CDH13: variants seen among roughly 807,000 people sequenced by gnomAD.
The protein encoded by CDH13 is cadherin-13.
CDH13 carries 24 observed loss-of-function variants against 63.8 expected under a neutral mutation model. That is an observed-to-expected ratio of 0.38 (90% confidence interval 0.27 to 0.53). The LOEUF (loss-of-function observed/expected upper bound fraction) is 0.53. Ranked by LOEUF, CDH13 falls within the 20% of genes least tolerant of loss-of-function variation. CDH13 has a pLI of 0.85. For missense variants in CDH13, 1,049 were observed against 903.1 expected (o/e 1.16, Z -2.07); for synonymous variants, 503 against 355.3 (o/e 1.42, Z -4.67).
intron 1 of CDH13, among the ~76,000 whole-genome samples, chr16:82,694,645 A>T (rs950391538): frequency 1.3e-5 from 2 of 152,198 alleles, no homozygotes; most frequent in Admixed American, 6.5e-5. Flanking sequence ...GCCATGCTTC[A>T]TGTTACCAAA....
intron 6 of CDH13, among the ~76,000 whole-genome samples, chr16:83,473,923 G>A (rs1261923977): frequency 2.6e-5 from 4 of 152,150 alleles, no homozygotes; most frequent in African/African-American, 7.2e-5. Context: ...ATGATTAAAT[G>A]CTTGCAATGC....
chr16:83,296,269 A>G (rs990205841), intron 5 of CDH13, among the ~76,000 whole-genome samples: 1 of 152,204 alleles, frequency 6.6e-6, no homozygotes, highest in Non-Finnish European at 1.5e-5. Flanking sequence ...TTTAAATTAT[A>G]CTTTCATTTT....
intron 11 of CDH13, among the ~76,000 whole-genome samples, chr16:83,769,953 T>G (rs1325636488): frequency 6.6e-6 from 1 of 152,180 alleles, no homozygotes; most frequent in Non-Finnish European, 1.5e-5. Flanking sequence ...TTACGGTACA[T>G]GACCTACTGC....
chr16:82,987,543 A>C (rs1272952940), intron 2 of CDH13, among the ~76,000 whole-genome samples: 7 of 152,008 alleles, frequency 4.6e-5, no homozygotes, highest in Admixed American at 4.6e-4. Flanking sequence ...CGCTCAGCTA[A>C]TTTTTGGATT....
intron 1 of CDH13, among the ~76,000 whole-genome samples, chr16:82,769,845 T>C (rs2035195345): frequency 6.6e-6 from 1 of 152,236 alleles, no homozygotes; most frequent in East Asian, 1.9e-4. Flanking sequence ...TTGGAAACAA[T>C]GGACTTAAAC....
intron 1 of CDH13, among the ~76,000 whole-genome samples, chr16:82,778,039 C>T (rs985911645): frequency 1.3e-5 from 2 of 152,088 alleles, no homozygotes; most frequent in Non-Finnish European, 2.9e-5. Context: ...GCTTTAGAAG[C>T]GAGTCAGTAA....
chr16:83,788,254 A>C (rs552716561), intron 13 of CDH13, among the ~76,000 whole-genome samples: 1 of 152,252 alleles, frequency 6.6e-6, no homozygotes, highest in South Asian at 2.1e-4. Context: ...CGGGACTGGA[A>C]ATGAGTGTTT....
chr16:82,945,950 G>C (rs140568393), intron 2 of CDH13, among the ~76,000 whole-genome samples: 2 of 152,012 alleles, frequency 1.3e-5, no homozygotes. Context: ...ATTCTTCTAC[G>C]ACTCTTTGGA....
chr16:83,044,739 C>G (rs1436772822), intron 3 of CDH13, among the ~76,000 whole-genome samples: 4 of 152,170 alleles, frequency 2.6e-5, no homozygotes, highest in Admixed American at 2.6e-4. Flanking sequence ...AGAGGTGGGT[C>G]TTAGGTCGCG....
intron 11 of CDH13, among the ~76,000 whole-genome samples, chr16:83,750,465 A>G (rs1416642906): frequency 6.6e-6 from 1 of 152,026 alleles, no homozygotes; most frequent in East Asian, 1.9e-4. Flanking sequence ...GTGTCCTCTC[A>G]ATGTTGACGT....
chr16:83,120,486 C>CCT (rs1466086082), intron 3 of CDH13, among the ~76,000 whole-genome samples: 1 of 152,198 alleles, frequency 6.6e-6, no homozygotes, highest in Non-Finnish European at 1.5e-5. Context: ...CACATTTAGA[C>CCT]ATACATTGTC....
In CDH13 at chr16:83,142,879, G is replaced by A. The variant is rs375420952; in HGVS notation, c.483+17378G>A. 1.7e-3 allele frequency among the ~76,000 whole-genome samples: 254 copies of A among 152,300 alleles called. 2 individuals are homozygous for A. Among genetic ancestry groups the A allele is most frequent in the African/African-American group, 5.9e-3 (245 of 41,574 alleles). On this transcript the variant is annotated intron_variant, in intron 4 of 13. Transcript: ENST00000567109. ...GCCCTTTGGGAGGCCGAGGCGGGCA[G>A]ATCACCTGAGGTTGGGAGTTCAAAG...
intron 3 of CDH13, among the ~76,000 whole-genome samples, chr16:83,074,216 C>T (rs72796245): frequency 0.17 from 25,592 of 152,160 alleles, 2,703 homozygotes; most frequent in Non-Finnish European, 0.23. Flanking sequence ...ATTTTAGGTC[C>T]CATCTGTGAG....
intron 1 of CDH13, among the ~76,000 whole-genome samples, chr16:82,842,599 T>C (rs1597773686): frequency 6.6e-6 from 1 of 152,166 alleles, no homozygotes; most frequent in African/African-American, 2.4e-5. Flanking sequence ...CCCAACTTTT[T>C]GGCACTAGGA....
intron 1 of CDH13, among the ~76,000 whole-genome samples, chr16:82,689,517 C>T (rs1244598615): frequency 6.6e-6 from 1 of 152,100 alleles, no homozygotes; most frequent in Non-Finnish European, 1.5e-5. Context: ...TTTGAGGCCA[C>T]CTTGCCTGAA....
chr16:83,135,425 A>G (rs2036238565), intron 4 of CDH13, among the ~76,000 whole-genome samples: 1 of 152,176 alleles, frequency 6.6e-6, no homozygotes, highest in Non-Finnish European at 1.5e-5. Context: ...TCAGAAATCA[A>G]TATTATGTCC....
chr16:82,836,681 G>C lies in CDH13; in HGVS notation c.46-21681G>C, dbSNP rs1048250498. Among the ~76,000 whole-genome samples, 6 of 152,136 alleles carry C rather than the reference G, an allele frequency of 3.9e-5. No homozygotes were observed. In the South Asian group the frequency reaches 1.2e-3, roughly 31 times the overall value. The stretch of plus-strand genomic sequence containing the variant: ...TCAAACAGCAGACATCACAGCCCAC[G>C]ATGATGAGCCTGCTGATGCCGACTT... On this transcript the variant is annotated intron_variant, in intron 1 of 13. Transcript: ENST00000567109.
At chr16:82,753,185 A>C (rs998540950) in intron 1 of CDH13, among the ~76,000 whole-genome samples, 3 of 152,216 alleles carry the variant, frequency 2.0e-5, no homozygotes, top group Non-Finnish European at 2.9e-5. Flanking sequence ...GGAAGAAGGC[A>C]GAGAGCAGGA....
chr16:82,987,228 C>T (rs1438629982), intron 2 of CDH13, among the ~76,000 whole-genome samples: 1 of 152,182 alleles, frequency 6.6e-6, no homozygotes, highest in Non-Finnish European at 1.5e-5. Flanking sequence ...CTTCCAGTTA[C>T]TGCTGTATCC....
Sources: gnomAD v4.1 joint callset for allele counts (sites outside exome capture counted in the v4.1 genomes callset) on GRCh38, gnomAD v4.1.1 for gene constraint, MANE v1.5 for transcripts, NCBI Gene and HGNC (gene_info 2026-07-23, HGNC 2026-07-21) for gene names.